The following MAGT1 variants were observed in gnomAD, a reference collection of about 807,000 sequenced individuals.
The protein encoded by MAGT1 is dolichyl-diphosphooligosaccharide--protein glycosyltransferase subunit MAGT1.
In MAGT1, 4 loss-of-function variants were observed where a neutral mutation model predicts 28.4. That is an observed-to-expected ratio of 0.14 (90% CI 0.07 to 0.32). MAGT1 has a LOEUF of 0.32. Among genes scored for constraint, MAGT1 ranks in the 10% least tolerant of loss-of-function variants. The pLI, the probability that MAGT1 is intolerant of heterozygous loss-of-function variation, is 1.00. For synonymous variants in MAGT1, 89 were observed against 89.7 expected (o/e 0.99, Z 0.04); for missense variants, 193 against 264.5 (o/e 0.73, Z 1.88).
intron 9 of MAGT1, 88 bp downstream of exon 9, chrX:77,830,717 G>T: frequency 2.4e-6 from 1 of 411,980 alleles, no homozygotes; most frequent in Non-Finnish European, 4.0e-6. Flanking sequence ...TGGAAGCAAA[G>T]CAAAAAGAAG....
intron 7 of MAGT1, among the ~76,000 whole-genome samples, chrX:77,847,088 G>A (rs1479757974): frequency 1.8e-5 from 2 of 112,066 alleles, no homozygotes; most frequent in South Asian, 3.7e-4. Flanking sequence ...CACCCAGTTC[G>A]AGCTTCCCGG....
chrX:77,838,261 C>T (rs1403721407), intron 8 of MAGT1, among the ~76,000 whole-genome samples: 1 of 109,183 alleles, frequency 9.2e-6, no homozygotes, highest in Non-Finnish European at 1.9e-5. Context: ...TACAGACCAA[C>T]CTCGGCAATA....
chrX:77,868,010 G>C (rs1465698208), intron 3 of MAGT1: 1 of 66,391 alleles, frequency 1.5e-5, no homozygotes. Context: ...GTGAGCCTTG[G>C]AATGTAAAGG....
intron 4 of MAGT1, 124 bp from the exon 5 acceptor site, chrX:77,856,997 T>G (rs1557216062): frequency 1.4e-5 from 9 of 626,326 alleles, no homozygotes; most frequent in Non-Finnish European, 2.3e-5. Context: ...AAATGATCCT[T>G]TTTATGTTAT....
chrX:77,891,496 A>G (rs1418194385), intron 1 of MAGT1, among the ~76,000 whole-genome samples: 11 of 111,248 alleles, frequency 9.9e-5, no homozygotes, highest in Non-Finnish European at 2.1e-4. Flanking sequence ...ATGAGCCACC[A>G]TGCCTGGCCA....
intron 1 of MAGT1, among the ~76,000 whole-genome samples, chrX:77,881,632 T>A (rs1438608058): frequency 1.8e-5 from 2 of 111,069 alleles, no homozygotes; most frequent in African/African-American, 6.5e-5. Context: ...CCATGGTGTA[T>A]ATGTGCCACA....
rs192497670 is a variant in MAGT1 at position 77,853,370 on chromosome X, C to T, written c.826+531G>A. Among the ~76,000 whole-genome samples, 270 of 112,023 alleles carry T rather than the reference C, an allele frequency of 2.4e-3. 2 individuals carry two copies. Among genetic ancestry groups the T allele is most frequent in the African/African-American group, 8.3e-3 (258 of 30,945 alleles). ...ATTCTTGCTTGGCAGATCTAAGTCA[C>T]TCAATTTACACGTATAATTTCTAAG... is the stretch of plus-strand genomic sequence containing the variant. On this transcript the variant is annotated intron_variant, in intron 7 of 9. Transcript: ENST00000618282.
In MAGT1 at chrX:77,832,822, CAAAAAAAAAAAAAAAAAA is replaced by C. The variant is rs72197791; in HGVS notation, c.902-1945_902-1928del. ...TAGGCGAAAAAGCAAGCCTCTGTCT[CAAAAAAAAAAAAAAAAAA>C]AAAAAAAAAGAAAAGAAAAGAAAAT... is the stretch of plus-strand genomic sequence containing the variant. On this transcript the variant is annotated intron_variant, in intron 8 of 9. Transcript: ENST00000618282. Among the ~76,000 whole-genome samples the C allele has an allele frequency of 1.2e-4, 4 of 32,351 alleles. No individual in the cohort carries two copies. In the Admixed American group the frequency reaches 2.3e-3, roughly 18 times the overall value. 28.1% of individuals were successfully genotyped at this position (32,351 alleles called of 115,157 possible). A position where few individuals can be genotyped will look rare whatever the true frequency, so the allele number is the denominator to read the frequency against.
chrX:77,892,758 C>T (rs2077086739), intron 1 of MAGT1, among the ~76,000 whole-genome samples: 1 of 110,911 alleles, frequency 9.0e-6, no homozygotes, highest in Non-Finnish European at 1.9e-5. Flanking sequence ...GATCATGCCA[C>T]TACACTCCAG....
intron 7 of MAGT1, among the ~76,000 whole-genome samples, chrX:77,846,668 G>T (rs1303569752): frequency 8.9e-6 from 1 of 112,424 alleles, no homozygotes; most frequent in African/African-American, 3.2e-5. Context: ...ACCCTCAGCT[G>T]CAGGTCTGTT....
At chrX:77,871,598 C>T (rs1269863728) in intron 2 of MAGT1, among the ~76,000 whole-genome samples, 3 of 111,673 alleles carry the variant, frequency 2.7e-5, no homozygotes, top group Non-Finnish European at 3.8e-5. Flanking sequence ...AATCCCAGCA[C>T]GTTGGGAGGC....
At chrX:77,872,376 T>C (rs1168352063) in intron 2 of MAGT1, among the ~76,000 whole-genome samples, 1 of 111,757 alleles carries the variant, frequency 8.9e-6, no homozygotes, top group African/African-American at 3.2e-5. Context: ...TATACATCCA[T>C]CTTCCTAAAT....
At chrX:77,888,953 A>G (rs2077074293) in intron 1 of MAGT1, among the ~76,000 whole-genome samples, 1 of 109,487 alleles carries the variant, frequency 9.1e-6, no homozygotes, top group Non-Finnish European at 1.9e-5. Context: ...ATTATTTTAA[A>G]ATACACAACT....
chrX:77,855,646 A>G (rs2076979576), intron 5 of MAGT1, 56 bp from the exon 6 acceptor site: 1 of 896,336 alleles, frequency 1.1e-6, no homozygotes, highest in African/African-American at 2.0e-5. Flanking sequence ...TGTCTTGATT[A>G]GATAACAGGA....
At chrX:77,871,052 A>G (rs2077019246) in intron 2 of MAGT1, 127 bp from the exon 3 acceptor site, 2 of 534,096 alleles carry the variant, frequency 3.7e-6, no homozygotes, top group South Asian at 2.4e-5. Context: ...AATAAAAAAC[A>G]CTGACAAGTA....
rs1336520931 is a variant in MAGT1 at position 77,826,113 on chromosome X, C to G, written c.*3107G>C. On this transcript the variant is annotated 3_prime_UTR_variant, in exon 10 of 10. Coordinates refer to ENST00000618282, the MANE Select transcript of MAGT1 (RefSeq NM_001367916.1). ...TCAATTGTTGCAAACAGTCATTTAT[C>G]TACTCATCTTGGTTGTTTTGACTCA... Among the ~76,000 whole-genome samples, 2 of 112,314 alleles carry G rather than the reference C, an allele frequency of 1.8e-5. No homozygotes were observed. The highest frequency in any genetic ancestry group is 3.8e-5 in the Non-Finnish European group (2 of 53,301).
Position 77,854,095 on chromosome X carries a change from C to T in MAGT1, c.763-131G>A, listed in dbSNP as rs1231484653. 5 of 527,773 alleles carry T rather than the reference C, an allele frequency of 9.5e-6. No individual in the cohort carries two copies. In the African/African-American group the frequency reaches 1.1e-4, roughly 12 times the overall value. 43.5% of individuals were successfully genotyped at this position (527,773 alleles called of 1,213,427 possible). ...ATAAACCATGTGACATACTCCGGGT[C>T]TGTGGCATTCATCAGTAAGTCTGGT... is the stretch of plus-strand genomic sequence containing the variant. On this transcript the variant is annotated intron_variant, in intron 6 of 9. Coordinates refer to ENST00000618282, the MANE Select transcript of MAGT1 (RefSeq NM_001367916.1).
intron 5 of MAGT1, 51 bp from the exon 6 acceptor site, chrX:77,855,641 TGATTA>T: frequency 1.1e-6 from 1 of 929,501 alleles, no homozygotes; most frequent in Non-Finnish European, 1.5e-6. Context: ...GTTCTTGTCT[TGATTA>T]GATAACAGGA....
chrX:77,863,201 T>C (rs983404134), intron 3 of MAGT1, among the ~76,000 whole-genome samples: 2 of 108,794 alleles, frequency 1.8e-5, no homozygotes, highest in East Asian at 5.8e-4. Flanking sequence ...GGAAATTAAA[T>C]TAGTATAGCC....
Sources: gnomAD v4.1 joint callset for allele counts (sites outside exome capture counted in the v4.1 genomes callset) on GRCh38, gnomAD v4.1.1 for gene constraint, MANE v1.5 for transcripts, NCBI Gene and HGNC (gene_info 2026-07-23, HGNC 2026-07-21) for gene names.